The following CCDC7 variants were observed in gnomAD, a reference collection of about 807,000 sequenced individuals.
CCDC7 encodes coiled-coil domain containing 7, also known as coiled-coil domain-containing protein 7.
CCDC7 carries 183 observed loss-of-function variants against 196.9 expected under a neutral mutation model. The ratio of observed to expected loss-of-function variants is 0.93; its 90% CI spans 0.82 to 1.05. The LOEUF is 1.05. Among genes scored for constraint, CCDC7 ranks in the 50% least tolerant of loss-of-function variants. The pLI, the probability that CCDC7 is intolerant of heterozygous loss-of-function variation, is 0.00. For missense variants in CCDC7, 1,540 were observed against 1,482.2 expected (o/e 1.04, Z -0.64); for synonymous variants, 525 against 484.6 (o/e 1.08, Z -1.10).
chr10:32,666,710 CT>C (rs1298106045), intron 21 of CCDC7, among the ~76,000 whole-genome samples: 1 of 151,940 alleles, frequency 6.6e-6, no homozygotes, highest in Non-Finnish European at 1.5e-5. Context: ...TGAACTCATC[CT>C]TTTTTATGGT....
Position 32,599,721 on chromosome 10 carries a change from A to G in CCDC7, c.1801+15417A>G, listed in dbSNP as rs2060797831. 2.0e-5 allele frequency among the ~76,000 whole-genome samples: 3 copies of G among 150,090 alleles called. 1 individual carries two copies. The South Asian group carries it at 6.4e-4, about 32-fold the overall frequency. ...TTTGGTTACATGGATGAATTATACA[A>G]TGGTGAAGTGTGAGATTTTAGTGCA... On this transcript the variant is annotated intron_variant, in intron 18 of 41. Coordinates refer to ENST00000639629, the Ensembl canonical transcript of CCDC7.
chr10:32,848,687 A>G, exon 39 of CCDC7: 1 of 1,552,370 alleles, frequency 6.4e-7, no homozygotes, highest in Non-Finnish European at 8.9e-7. Flanking sequence ...TCCCAACAAA[A>G]GTGATCAATT....
At chr10:32,807,792 T>C (rs1361983998) in intron 30 of CCDC7, among the ~76,000 whole-genome samples, 2 of 151,862 alleles carry the variant, frequency 1.3e-5, no homozygotes. Context: ...ACCAAGCAGA[T>C]GCAGCATAGT....
At chr10:32,696,748 T>G (rs1204828078) in intron 24 of CCDC7, among the ~76,000 whole-genome samples, 1 of 152,192 alleles carries the variant, frequency 6.6e-6, no homozygotes, top group Non-Finnish European at 1.5e-5. Flanking sequence ...GGCCCTTACC[T>G]AGATCATTGA....
intron 38 of CCDC7, among the ~76,000 whole-genome samples, chr10:32,848,120 A>G (rs1321732645): frequency 6.6e-6 from 1 of 152,222 alleles, no homozygotes; most frequent in East Asian, 1.9e-4. Flanking sequence ...ATGATTTTAA[A>G]AAATATGAGG....
chr10:32,855,545 T>A (rs1026748811), intron 41 of CCDC7, among the ~76,000 whole-genome samples: 4 of 152,184 alleles, frequency 2.6e-5, no homozygotes, highest in African/African-American at 9.6e-5. Flanking sequence ...TAGATCCCTC[T>A]CATGCGCAGT....
chr10:32,514,642 A>G (rs2046748343), intron 9 of CCDC7: 2 of 152,338 alleles, frequency 1.3e-5, no homozygotes, highest in African/African-American at 4.8e-5. Flanking sequence ...ACTAACTATG[A>G]ACATTTCAAA....
At chr10:32,714,594 G>C (rs1388540388) in intron 25 of CCDC7, among the ~76,000 whole-genome samples, 1 of 152,190 alleles carries the variant, frequency 6.6e-6, no homozygotes, top group Non-Finnish European at 1.5e-5. Flanking sequence ...AGGGAGCTGA[G>C]TGGTCTTCCT....
intron 41 of CCDC7, among the ~76,000 whole-genome samples, chr10:32,864,911 C>G (rs954082549): frequency 6.6e-6 from 1 of 151,854 alleles, no homozygotes; most frequent in East Asian, 1.9e-4. Flanking sequence ...ACTTCCACAG[C>G]TTTGTGTGTA....
At chr10:32,682,472 T>G (rs2075978612) in intron 21 of CCDC7, among the ~76,000 whole-genome samples, 1 of 152,246 alleles carries the variant, frequency 6.6e-6, no homozygotes, top group Non-Finnish European at 1.5e-5. Flanking sequence ...CACATGCATG[T>G]GTCTTTATGG....
chr10:32,498,491 A>G (rs1406581469), intron 9 of CCDC7, among the ~76,000 whole-genome samples: 1 of 152,044 alleles, frequency 6.6e-6, no homozygotes, highest in Non-Finnish European at 1.5e-5. Flanking sequence ...GGTCTTTACA[A>G]TTTGGTATGT....
chr10:32,747,678 C>G (rs768559938), intron 28 of CCDC7, among the ~76,000 whole-genome samples: 47 of 152,082 alleles, frequency 3.1e-4, no homozygotes, highest in Non-Finnish European at 5.7e-4. Context: ...TCATACCAGT[C>G]AGAATGGCCA....
intron 25 of CCDC7, among the ~76,000 whole-genome samples, chr10:32,720,143 A>G (rs1159115887): frequency 6.6e-6 from 1 of 152,198 alleles, no homozygotes; most frequent in East Asian, 1.9e-4. Context: ...GAACCAACCC[A>G]AATGCCCATC....
chr10:32,752,271 C>T (rs1390561090), intron 28 of CCDC7, among the ~76,000 whole-genome samples: 2 of 152,034 alleles, frequency 1.3e-5, no homozygotes, highest in African/African-American at 2.4e-5. Flanking sequence ...TGGTAAATGC[C>T]TTCCTATGCA....
upstream of CCDC7, chr10:32,451,590 A>G: frequency 6.6e-7 from 1 of 1,520,298 alleles, no homozygotes; most frequent in Non-Finnish European, 8.8e-7. Flanking sequence ...TTTTTTTCAC[A>G]GGGAGGAATA....
intron 28 of CCDC7, among the ~76,000 whole-genome samples, chr10:32,740,174 TG>T: frequency 6.6e-6 from 1 of 152,158 alleles, no homozygotes; most frequent in Non-Finnish European, 1.5e-5. Context: ...AGAAAGCAGC[TG>T]GAGTTGGATA....
At chr10:32,809,322 T>C (rs1197358761) in intron 30 of CCDC7, among the ~76,000 whole-genome samples, 6 of 151,754 alleles carry the variant, frequency 4.0e-5, no homozygotes, top group African/African-American at 1.2e-4. Flanking sequence ...AGATAAACAA[T>C]ACAAAGAAAT....
chr10:32,817,295 T>C (rs1386136409), intron 31 of CCDC7, among the ~76,000 whole-genome samples: 1 of 151,936 alleles, frequency 6.6e-6, no homozygotes, highest in Non-Finnish European at 1.5e-5. Flanking sequence ...GAAAAAAGAA[T>C]AAAAAGAAAC....
intron 22 of CCDC7, among the ~76,000 whole-genome samples, chr10:32,688,852 A>G (rs578198339): frequency 6.6e-6 from 1 of 152,356 alleles, no homozygotes; most frequent in Admixed American, 6.5e-5. Context: ...GTGCAGGAAT[A>G]TTGATATGGT....
Sources: gnomAD v4.1 joint callset for allele counts (sites outside exome capture counted in the v4.1 genomes callset) on GRCh38, gnomAD v4.1.1 for gene constraint, MANE v1.5 for transcripts, NCBI Gene and HGNC (gene_info 2026-07-23, HGNC 2026-07-21) for gene names.